ZC3H12C: variants seen among roughly 807,000 people sequenced by gnomAD.
ZC3H12C encodes zinc finger CCCH-type containing 12C, also known as probable ribonuclease ZC3H12C.
ZC3H12C carries 20 observed loss-of-function variants against 76.3 expected under a neutral mutation model. That is an observed-to-expected ratio of 0.26 (90% confidence interval 0.18 to 0.38). The LOEUF is 0.38. Among genes scored for constraint, ZC3H12C ranks in the 10% least tolerant of loss-of-function variants. ZC3H12C has a pLI of 1.00. For missense variants in ZC3H12C, 874 were observed against 1,086.5 expected (o/e 0.80, Z 2.75); for synonymous variants, 352 against 399.6 (o/e 0.88, Z 1.42).
intron 4 of ZC3H12C, 77 bp from the exon 5 acceptor site, chr11:110,163,196 C>A: frequency 7.6e-7 from 1 of 1,316,898 alleles, no homozygotes; most frequent in Non-Finnish European, 1.0e-6. Context: ...ATAGAGGGAA[C>A]AAATCTTTGT....
At chr11:110,125,616 C>G (rs1861729973) in intron 1 of ZC3H12C, among the ~76,000 whole-genome samples, 1 of 152,136 alleles carries the variant, frequency 6.6e-6, no homozygotes, top group Admixed American at 6.5e-5. Flanking sequence ...CCATGGCCAG[C>G]CTCTCTAATG....
chr11:110,157,031 T>C (rs759984867), intron 3 of ZC3H12C, among the ~76,000 whole-genome samples: 1 of 151,974 alleles, frequency 6.6e-6, no homozygotes, highest in Non-Finnish European at 1.5e-5. Flanking sequence ...TTACAAAAAT[T>C]AGCCGGGCAT....
rs1375422645 is a variant in ZC3H12C, at chr11:110,136,901, C to T, written c.260C>T (p.Ser87Phe). Reference protein sequence around the residue: ...EKEASEENASSGDSEENTNSD... With the variant: ...EKEASEENASFGDSEENTNSD... ...GAGGCGTCTGAAGAGAATGCAAGCT[C>T]TGGTGACTCTGAAGAAAACACAAAT... Residue 87 changes from serine to phenylalanine, a missense_variant, in exon 2 of 6, where the codon TCT (serine) becomes TTT (phenylalanine). Transcript: ENST00000278590. 1.1e-5 allele frequency: 17 copies of T among 1,613,812 alleles called. No individual in the cohort carries two copies. The highest frequency in any genetic ancestry group is 1.4e-5 in the Non-Finnish European group (16 of 1,179,808).
At chr11:110,152,003 G>A (rs1862280196) in intron 2 of ZC3H12C, among the ~76,000 whole-genome samples, 1 of 152,054 alleles carries the variant, frequency 6.6e-6, no homozygotes, top group African/African-American at 2.4e-5. Flanking sequence ...ATTTCATTCA[G>A]CCCTCCTTCA....
At chr11:110,159,232 A>T (rs772211117) in intron 3 of ZC3H12C, 24 bp from the exon 4 acceptor site, 6 of 1,572,516 alleles carry the variant, frequency 3.8e-6, no homozygotes, top group African/African-American at 1.3e-5. Context: ...ACTTTCTGCC[A>T]TCCTACCGTC....
At chr11:110,118,463 C>G (rs1438930605) in intron 1 of ZC3H12C, among the ~76,000 whole-genome samples, 1 of 151,962 alleles carries the variant, frequency 6.6e-6, no homozygotes, top group Non-Finnish European at 1.5e-5. Flanking sequence ...TCCATTCGCA[C>G]CAGCAAGAAG....
intron 4 of ZC3H12C, among the ~76,000 whole-genome samples, chr11:110,160,041 C>T (rs1389426419): frequency 6.6e-6 from 1 of 152,214 alleles, no homozygotes; most frequent in Non-Finnish European, 1.5e-5. Context: ...TGCTACTGTA[C>T]TGAATACTGT....
chr11:110,140,450 C>G (rs1464608092), intron 2 of ZC3H12C, among the ~76,000 whole-genome samples: 1 of 152,194 alleles, frequency 6.6e-6, no homozygotes, highest in Non-Finnish European at 1.5e-5. Flanking sequence ...TATCCCATTT[C>G]AGCTTCTTCC....
chr11:110,135,167 C>T (rs1861933147), intron 1 of ZC3H12C, among the ~76,000 whole-genome samples: 1 of 150,532 alleles, frequency 6.6e-6, no homozygotes, highest in Non-Finnish European at 1.5e-5. Context: ...AATGCTGTAT[C>T]TGCGTAGAAT....
At position 110,097,944 on chromosome 11, in the gene ZC3H12C, C is replaced by T. The variant is rs561752038; in HGVS notation, c.21+4512C>T. ...CTGCTGATGGTAGAAGGATAATGAA[C>T]GATTATGTTACTGGGTTATTTATTT... On this transcript the variant is annotated intron_variant, in intron 1 of 5. Transcript: ENST00000278590. 1.3e-4 allele frequency among the ~76,000 whole-genome samples: 20 copies of T among 152,200 alleles called. 1 individual carries two copies. The East Asian group carries it at 1.7e-3, about 13-fold the overall frequency.
intron 2 of ZC3H12C, among the ~76,000 whole-genome samples, chr11:110,147,247 T>C (rs557032064): frequency 2.2e-4 from 34 of 152,258 alleles, no homozygotes; most frequent in African/African-American, 7.5e-4. Flanking sequence ...TTAAGATGGG[T>C]ACCATCAGCT....
intron 2 of ZC3H12C, among the ~76,000 whole-genome samples, chr11:110,144,928 G>A (rs1390061992): frequency 3.3e-5 from 5 of 152,176 alleles, no homozygotes; most frequent in Non-Finnish European, 7.4e-5. Flanking sequence ...CTGTTCTGTG[G>A]TTAACCTAGT....
At chr11:110,151,581 A>G (rs619119) in intron 2 of ZC3H12C, among the ~76,000 whole-genome samples, 104,784 of 152,080 alleles carry the variant, frequency 0.69, 36,906 homozygotes, top group South Asian at 0.79. Context: ...ACCATTTTCT[A>G]CAGTTTTTCA....
intron 3 of ZC3H12C, among the ~76,000 whole-genome samples, chr11:110,157,193 A>AC (rs1565267496): frequency 2.0e-5 from 3 of 151,582 alleles, no homozygotes; most frequent in African/African-American, 7.3e-5. Context: ...AAAAAAAAAA[A>AC]CAGAGAGATC....
chr11:110,150,336 C>G (rs1334685729), intron 2 of ZC3H12C, among the ~76,000 whole-genome samples: 1 of 113,092 alleles, frequency 8.8e-6, no homozygotes, highest in South Asian at 3.6e-4. Context: ...ACCTTATGCC[C>G]TTTAATATAG....
chr11:110,127,526 A>G (rs1469335031), intron 1 of ZC3H12C, among the ~76,000 whole-genome samples: 1 of 152,128 alleles, frequency 6.6e-6, no homozygotes, highest in East Asian at 1.9e-4. Flanking sequence ...TTAAAATTTT[A>G]ATTTCAACGT....
intron 1 of ZC3H12C, among the ~76,000 whole-genome samples, chr11:110,110,710 C>A (rs966172101): frequency 4.2e-5 from 3 of 71,840 alleles, no homozygotes; most frequent in Non-Finnish European, 8.8e-5. Flanking sequence ...AGTGTTCTGT[C>A]ACTTCTGAGT....
rs114899693 is a variant in ZC3H12C, at chr11:110,161,308, A to T, written c.1148+1818A>T. Among the ~76,000 whole-genome samples the T allele has an allele frequency of 3.6e-3, 545 of 152,266 alleles. 3 individuals carry two copies. The highest frequency in any genetic ancestry group is 0.013 in the African/African-American group (532 of 41,560). ...ACGTTACCAGCAACTTTTCAGCTCT[A>T]CCGTCATATATGCAGTCCATTGTTG... is the stretch of plus-strand genomic sequence containing the variant. On this transcript the variant is annotated intron_variant, in intron 4 of 5. Transcript: ENST00000278590.
intron 1 of ZC3H12C, among the ~76,000 whole-genome samples, chr11:110,130,431 C>T (rs772796807): frequency 4.6e-5 from 7 of 152,166 alleles, no homozygotes; most frequent in Non-Finnish European, 7.4e-5. Flanking sequence ...TAAAACTACA[C>T]ATTTTCCACT....
Sources: allele counts gnomAD v4.1 joint callset (sites outside exome capture counted in the v4.1 genomes callset), GRCh38; gene constraint gnomAD v4.1.1; transcripts MANE v1.5; gene names NCBI Gene and HGNC (gene_info 2026-07-23, HGNC 2026-07-21).